Variants in PLCB1 observed in about 807,000 individuals in gnomAD.
The protein encoded by PLCB1 is phospholipase C beta 1.
In PLCB1, 46 loss-of-function variants were observed where a neutral mutation model predicts 161.8. The observed-to-expected ratio is 0.28, with a 90% CI of 0.22 to 0.36. PLCB1 has a LOEUF of 0.36. Ranked by LOEUF, PLCB1 falls within the 10% of genes least tolerant of loss-of-function variation. The pLI is 1.00. For missense variants in PLCB1, 1,016 were observed against 1,472.5 expected (o/e 0.69, Z 5.07); for synonymous variants, 517 against 503.7 (o/e 1.03, Z -0.35).
At chr20:8,834,730 G>A (rs1280530750) in intron 31 of PLCB1, among the ~76,000 whole-genome samples, 2 of 143,942 alleles carry the variant, frequency 1.4e-5, no homozygotes, top group Non-Finnish European at 3.0e-5. Context: ...CAGGAGAATT[G>A]CTTGAACCTG....
At chr20:8,306,861 C>T (rs1344669385) in intron 2 of PLCB1, among the ~76,000 whole-genome samples, 1 of 152,206 alleles carries the variant, frequency 6.6e-6, no homozygotes, top group Non-Finnish European at 1.5e-5. Context: ...GCTGCTGCTG[C>T]CATTTACAAG....
intron 25 of PLCB1, among the ~76,000 whole-genome samples, chr20:8,763,589 G>T (rs1320556801): frequency 6.6e-6 from 1 of 152,006 alleles, no homozygotes; most frequent in African/African-American, 2.4e-5. Flanking sequence ...GTTTTGCCAT[G>T]TTGGCCAGGC....
chr20:8,825,570 A>G (rs1985653931), intron 31 of PLCB1, among the ~76,000 whole-genome samples: 2 of 152,218 alleles, frequency 1.3e-5, no homozygotes, highest in South Asian at 2.1e-4. Context: ...GCATCAGGAA[A>G]AGAATATACA....
chr20:8,767,758 T>G (rs1025364185), intron 26 of PLCB1, among the ~76,000 whole-genome samples: 1 of 152,202 alleles, frequency 6.6e-6, no homozygotes, highest in Non-Finnish European at 1.5e-5. Flanking sequence ...TAGCATTTCA[T>G]TGAGTGTCAA....
intron 3 of PLCB1, among the ~76,000 whole-genome samples, chr20:8,406,008 T>C (rs1329653383): frequency 6.7e-6 from 1 of 150,082 alleles, no homozygotes; most frequent in African/African-American, 2.5e-5. Context: ...AGGGCTTTTT[T>C]TCTTCCTTTT....
chr20:8,751,040 A>C (rs758979470), intron 23 of PLCB1: 2 of 317,540 alleles, frequency 6.3e-6, no homozygotes, highest in East Asian at 9.3e-5. Flanking sequence ...GGTTCACGCC[A>C]TTCTCCTGGG....
chr20:8,569,236 CTG>C (rs1282979567), intron 3 of PLCB1, among the ~76,000 whole-genome samples: 11 of 152,330 alleles, frequency 7.2e-5, no homozygotes, highest in African/African-American at 2.6e-4. Flanking sequence ...TGCCAGGACA[CTG>C]ACTACATCTG....
In PLCB1 at chr20:8,276,916, GTCTTCTTCTTTTCT is replaced by G. The variant is rs1364621893; in HGVS notation, c.178-94455_178-94442del. 4.9e-5 allele frequency among the ~76,000 whole-genome samples: 7 copies of G among 143,500 alleles called. No individual in the cohort carries two copies. In the South Asian group the frequency reaches 6.8e-4, roughly 14 times the overall value. 94.1% of individuals were successfully genotyped at this position (143,500 alleles called of 152,430 possible). On this transcript the variant is annotated intron_variant, in intron 2 of 31. Transcript: ENST00000338037. The stretch of plus-strand genomic sequence containing the variant: ...AACCCCACTCTTGGGTAGCTTCTTC[GTCTTCTTCTTTTCT>G]TCTTCTTCTTCTTCTTCTTCTTCTT...
At chr20:8,313,431 C>A (rs1984499612) in intron 2 of PLCB1, among the ~76,000 whole-genome samples, 1 of 152,106 alleles carries the variant, frequency 6.6e-6, no homozygotes, top group Non-Finnish European at 1.5e-5. Flanking sequence ...GCAAGCAAGG[C>A]ACTTACACCC....
chr20:8,132,529 G>GGGAGCAGAGTCGAGCGCCTCC lies in PLCB1; in HGVS notation c.-113_-93dup, dbSNP rs2051301602. 3 of 492,862 alleles carry GGGAGCAGAGTCGAGCGCCTCC rather than the reference G, an allele frequency of 6.1e-6. No individual in the cohort carries two copies. The highest frequency in any genetic ancestry group is 1.0e-5 in the Non-Finnish European group (3 of 297,770). 30.5% of individuals were successfully genotyped at this position (492,862 alleles called of 1,614,324 possible). A position where few individuals can be genotyped will look rare whatever the true frequency, so the allele number is the denominator to read the frequency against. On this transcript the variant is annotated 5_prime_UTR_variant, in exon 1 of 32. Transcript: ENST00000338037. The surrounding 1 kb of genome is among the most constrained non-coding windows in gnomAD (Gnocchi z 5.2). ...GGCCGGGAGGCCGGGGAGGCCGGCG[G>GGGAGCAGAGTCGAGCGCCTCC]GGAGCAGAGTCGAGCGCCTCCGGAG... is the stretch of plus-strand genomic sequence containing the variant.
chr20:8,484,738 C>A (rs1430195002), intron 3 of PLCB1, among the ~76,000 whole-genome samples: 1 of 152,150 alleles, frequency 6.6e-6, no homozygotes, highest in Non-Finnish European at 1.5e-5. Flanking sequence ...TCCTTATAGT[C>A]CCCTTGTGTC....
chr20:8,365,388 A>C (rs1225613340), intron 2 of PLCB1, among the ~76,000 whole-genome samples: 1 of 152,200 alleles, frequency 6.6e-6, no homozygotes, highest in Non-Finnish European at 1.5e-5. Flanking sequence ...TTGATGACCT[A>C]TACCTCTCAT....
At chr20:8,301,111 G>A (rs543051345) in intron 2 of PLCB1, among the ~76,000 whole-genome samples, 2 of 152,242 alleles carry the variant, frequency 1.3e-5, no homozygotes, top group East Asian at 1.9e-4. Flanking sequence ...CATTATTACA[G>A]GACCCAGTCA....
chr20:8,769,075 G>T (rs1334468552), intron 26 of PLCB1, among the ~76,000 whole-genome samples: 4 of 152,112 alleles, frequency 2.6e-5, no homozygotes, highest in Admixed American at 2.6e-4. Context: ...TTAGGGAAAT[G>T]GAAATAAATG....
intron 3 of PLCB1, among the ~76,000 whole-genome samples, chr20:8,503,160 G>T (rs1196460096): frequency 6.6e-6 from 1 of 152,104 alleles, no homozygotes; most frequent in East Asian, 1.9e-4. Flanking sequence ...AACCACAAAG[G>T]CCACCAGTAG....
At chr20:8,449,714 A>C (rs1980989686) in intron 3 of PLCB1, among the ~76,000 whole-genome samples, 1 of 152,204 alleles carries the variant, frequency 6.6e-6, no homozygotes, top group Non-Finnish European at 1.5e-5. Flanking sequence ...GCGTTCTTCT[A>C]ATACATCTTC....
At chr20:8,812,791 AC>A (rs1734328027) in intron 31 of PLCB1, among the ~76,000 whole-genome samples, 1 of 152,214 alleles carries the variant, frequency 6.6e-6, no homozygotes, top group South Asian at 2.1e-4. Flanking sequence ...ATGCAAAAAA[AC>A]GTGTAAAACC....
chr20:8,161,194 G>A (rs1189029274), intron 2 of PLCB1, among the ~76,000 whole-genome samples: 1 of 151,778 alleles, frequency 6.6e-6, no homozygotes, highest in Non-Finnish European at 1.5e-5. Context: ...TGTAGCATAG[G>A]TATACTTATA....
Position 8,307,819 on chromosome 20 carries a change from G to A in PLCB1, c.178-63563G>A, listed in dbSNP as rs113527097. On this transcript the variant is annotated intron_variant, in intron 2 of 31. Transcript: ENST00000338037. The stretch of plus-strand genomic sequence containing the variant: ...CGCCTGTAATCCCAGCTACTCGGGA[G>A]GCTGAAGCAGGAGAATTGCTTGAAC... 1.7e-3 allele frequency among the ~76,000 whole-genome samples: 245 copies of A among 142,004 alleles called. 2 individuals carry two copies. The highest frequency in any genetic ancestry group is 2.7e-3 in the Non-Finnish European group (173 of 65,064). The allele number at this position is 142,004 out of a possible 152,430, so 93.2% of individuals were successfully genotyped here.
Sources: allele counts gnomAD v4.1 joint callset (sites outside exome capture counted in the v4.1 genomes callset), GRCh38; gene constraint gnomAD v4.1.1; non-coding constraint Gnocchi (gnomAD v3.1); transcripts MANE v1.5; gene names NCBI Gene and HGNC (gene_info 2026-07-23, HGNC 2026-07-21).